ABCC1: variants seen among roughly 807,000 people sequenced by gnomAD.
The protein encoded by ABCC1 is ATP binding cassette subfamily C member 1 (ABCC1 blood group), also known as multidrug resistance-associated protein 1.
Under a neutral mutation model 172.9 loss-of-function variants are expected in ABCC1, and 83 were observed. The observed-to-expected ratio is 0.48, with a 90% CI of 0.40 to 0.58. ABCC1 has a LOEUF of 0.58. Ranked by LOEUF, ABCC1 falls within the 20% of genes least tolerant of loss-of-function variation. ABCC1 has a pLI of 0.00. For synonymous variants in ABCC1, 937 were observed against 825.2 expected (o/e 1.14, Z -2.32); for missense variants, 1,817 against 2,002.7 (o/e 0.91, Z 1.77).
chr16:16,079,596 CT>C, intron 16 of ABCC1, 118 bp downstream of exon 16: 1 of 1,254,506 alleles, frequency 8.0e-7, no homozygotes, highest in Non-Finnish European at 1.1e-6. Context: ...AGCAACGTCT[CT>C]TTTCCTCCTC....
At chr16:15,951,477 C>T (rs1416711290) in intron 1 of ABCC1, among the ~76,000 whole-genome samples, 1 of 151,778 alleles carries the variant, frequency 6.6e-6, no homozygotes, top group East Asian at 1.9e-4. Context: ...TTGGGTTTTG[C>T]TTGGGGGTAA....
In ABCC1 at chr16:16,025,463, G is replaced by A. The variant is rs930542613; in HGVS notation, c.616-7646G>A. Among the ~76,000 whole-genome samples the A allele has an allele frequency of 2.6e-5, 4 of 152,248 alleles. No individual in the cohort carries two copies. In the South Asian group the frequency reaches 8.3e-4, roughly 31 times the overall value. Reference sequence around the variant, plus strand: ...AGGTGCCACCGATGCTGGTGACAGAGCTGCGTTTGAGGATCACTGCTCTAA... The same window carrying A: ...AGGTGCCACCGATGCTGGTGACAGAACTGCGTTTGAGGATCACTGCTCTAA... On this transcript the variant is annotated intron_variant, in intron 5 of 30. Coordinates refer to ENST00000399410, the MANE Select transcript of ABCC1 (RefSeq NM_004996.4).
intron 23 of ABCC1, among the ~76,000 whole-genome samples, chr16:16,117,233 G>A (rs2044925887): frequency 6.6e-6 from 1 of 152,216 alleles, no homozygotes; most frequent in Non-Finnish European, 1.5e-5. Context: ...ATGGCAGAAG[G>A]AGAAGCAAAC....
chr16:16,090,601 CCAGGG>C lies in ABCC1; in HGVS notation c.2644+14_2644+18del. On this transcript the variant is annotated intron_variant, in intron 19 of 30. Coordinates refer to ENST00000399410, the MANE Select transcript of ABCC1 (RefSeq NM_004996.4). ...GCAGAGGAGAACGGTAGGGGCAGCC[CCAGGG>C]TTCCACCCACTCAGGGTGTCTGGCA... 1.3e-6 allele frequency: 2 copies of C among 1,563,334 alleles called. No individual in the cohort carries two copies. The highest frequency in any genetic ancestry group is 1.7e-6 in the Non-Finnish European group (2 of 1,148,528).
chr16:16,113,769 T>C (rs1313493473), intron 22 of ABCC1, among the ~76,000 whole-genome samples: 1 of 152,224 alleles, frequency 6.6e-6, no homozygotes, highest in Non-Finnish European at 1.5e-5. Context: ...CAGCGATCCC[T>C]AGCCTTTTTG....
intron 19 of ABCC1, among the ~76,000 whole-genome samples, chr16:16,093,668 G>A (rs1228455653): frequency 2.0e-5 from 3 of 152,190 alleles, no homozygotes; most frequent in African/African-American, 7.2e-5. Flanking sequence ...TGGCTATAAA[G>A]TCTTGACATC....
At chr16:16,134,247 A>G (rs1008572569) in intron 27 of ABCC1, 103 bp from the exon 28 acceptor site, 2 of 1,450,898 alleles carry the variant, frequency 1.4e-6, no homozygotes, top group African/African-American at 1.4e-5. Flanking sequence ...TGGGTTGACC[A>G]GATGACTGAT....
intron 3 of ABCC1, 60 bp from the exon 4 acceptor site, chr16:16,014,431 G>A: frequency 1.3e-6 from 2 of 1,586,812 alleles, no homozygotes; most frequent in Non-Finnish European, 1.7e-6. Context: ...TGGGTGACAA[G>A]AGTGAAACTC....
chr16:16,141,170 C>A lies in ABCC1; in HGVS notation c.4488-3C>A, dbSNP rs542075290. On this transcript the variant is annotated splice_region_variant and splice_polypyrimidine_tract_variant and intron_variant, in intron 30 of 30. Transcript: ENST00000399410. ...CCTCATGTCTGTATCCCCTCTCCCT[C>A]AGGGTGATCGTCTTGGACAAAGGAG... 6.2e-7 allele frequency: 1 copy of A among 1,613,670 alleles called. No homozygotes were observed. Among genetic ancestry groups the A allele is most frequent in the Non-Finnish European group, 8.5e-7 (1 of 1,179,690 alleles).
chr16:16,136,713 A>G, intron 29 of ABCC1, 69 bp downstream of exon 29: 1 of 1,542,592 alleles, frequency 6.5e-7, no homozygotes, highest in East Asian at 2.3e-5. Context: ...GGGTGTTTGA[A>G]GATTCTGTCC....
chr16:15,969,360 G>A (rs2046316954), intron 1 of ABCC1, among the ~76,000 whole-genome samples: 1 of 149,872 alleles, frequency 6.7e-6, no homozygotes, highest in South Asian at 2.1e-4. Flanking sequence ...TTAGGCAGCT[G>A]GTCAGTCTTT....
rs1434997448 is a variant in ABCC1, at chr16:16,003,216, G to A, written c.49-4600G>A. 6.8e-5 allele frequency among the ~76,000 whole-genome samples: 10 copies of A among 147,830 alleles called. No homozygotes were observed. The South Asian group carries it at 2.3e-3, about 34-fold the overall frequency. On this transcript the variant is annotated intron_variant, in intron 1 of 30. Transcript: ENST00000399410. Reference sequence around the variant, plus strand: ...GGTAGGGTGGATGGATGAATTGGTGGATGGGTAGGTGGATGGATGAATGAA... The same window carrying A: ...GGTAGGGTGGATGGATGAATTGGTGAATGGGTAGGTGGATGGATGAATGAA...
At chr16:16,121,854 C>T in intron 23 of ABCC1, 121 bp from the exon 24 acceptor site, 1 of 1,012,910 alleles carries the variant, frequency 9.9e-7, no homozygotes, top group Non-Finnish European at 1.5e-6. Context: ...GGCAGCCCGG[C>T]TCTAACATTT....
chr16:16,044,511 G>A lies in ABCC1; in HGVS notation c.871G>A (p.Val291Met). The change falls in exon 8 of 31, where the codon GTG becomes ATG. Residue 291 changes from valine (V) to methionine (M), a missense_variant. Around this residue, in one of 3 missense-constraint regions of ABCC1, gnomAD observed 398 missense variants for 384.2 expected, o/e 1.04. Coordinates refer to ENST00000399410, the MANE Select transcript of ABCC1 (RefSeq NM_004996.4). ...DPAQPKESSK[V>M]DANEEVEALI... ...TGCCCAGCCGAAAGAGAGTTCCAAGGTGGATGCGAATGAGGAGGTGGAGGC... is the reference window on the plus strand; with the variant it reads ...TGCCCAGCCGAAAGAGAGTTCCAAGATGGATGCGAATGAGGAGGTGGAGGC... The A allele has an allele frequency of 6.2e-7, 1 of 1,614,152 alleles. No individual in the cohort carries two copies. Among genetic ancestry groups the A allele is most frequent in the Non-Finnish European group, 8.5e-7 (1 of 1,180,018 alleles).
chr16:16,002,097 A>G lies in ABCC1; in HGVS notation c.49-5719A>G, dbSNP rs532305874. On this transcript the variant is annotated intron_variant, in intron 1 of 30. Coordinates refer to ENST00000399410, the MANE Select transcript of ABCC1 (RefSeq NM_004996.4). ...CAATGCTGCATTGTTTGTAAGAGGA[A>G]CACCAATGCCAAGTCCCCAGGAGAC... Among the ~76,000 whole-genome samples the G allele has an allele frequency of 2.4e-4, 36 of 152,306 alleles. No individual in the cohort carries two copies. In the South Asian group the frequency reaches 6.8e-3, roughly 29 times the overall value.
intron 11 of ABCC1, among the ~76,000 whole-genome samples, chr16:16,055,571 G>A (rs1281141771): frequency 6.6e-6 from 1 of 151,206 alleles, no homozygotes; most frequent in East Asian, 1.9e-4. Context: ...GAAAAAATAC[G>A]AAAACAGAGA....
chr16:16,034,585 T>C (rs1050744164), intron 6 of ABCC1, among the ~76,000 whole-genome samples: 5 of 139,148 alleles, frequency 3.6e-5, no homozygotes, highest in Non-Finnish European at 7.8e-5. Context: ...GTTAACTTTT[T>C]TTTTTTTTTT....
At chr16:16,010,451 C>T (rs1391303237) in intron 3 of ABCC1, among the ~76,000 whole-genome samples, 2 of 152,106 alleles carry the variant, frequency 1.3e-5, no homozygotes, top group Non-Finnish European at 2.9e-5. Flanking sequence ...CCTTTTGTTG[C>T]GTTTGCCACA....
Position 16,068,051 on chromosome 16 carries a change from G to C in ABCC1, c.1678-105G>C, listed in dbSNP as rs45627235. The C allele has an allele frequency of 8.8e-4, 1,236 of 1,398,052 alleles. 15 individuals carry two copies. In the African/African-American group the frequency reaches 0.016, roughly 18 times the overall value. The allele number at this position is 1,398,052 out of a possible 1,614,324, so 86.6% of individuals were successfully genotyped here. A position where few individuals can be genotyped will look rare whatever the true frequency, so the allele number is the denominator to read the frequency against. ...GAGCTCCAGCAGCTGGTCAGTTGTG[G>C]CCACCTGGGGAGGGCCCAAGCGCGT... On this transcript the variant is annotated intron_variant, in intron 12 of 30. Coordinates refer to ENST00000399410, the MANE Select transcript of ABCC1 (RefSeq NM_004996.4).
Sources: gnomAD v4.1 joint callset for allele counts (sites outside exome capture counted in the v4.1 genomes callset) on GRCh38, gnomAD v4.1.1 for gene constraint, gnomAD v4.1.1 regional missense constraint, MANE v1.5 for transcripts, NCBI Gene and HGNC (gene_info 2026-07-23, HGNC 2026-07-21) for gene names.